EYA4: variants seen among roughly 807,000 people sequenced by gnomAD.
EYA4 encodes the protein EYA transcriptional coactivator and phosphatase 4.
EYA4 carries 31 observed loss-of-function variants against 87.9 expected under a neutral mutation model. The ratio of observed to expected loss-of-function variants is 0.35; its 90% CI spans 0.27 to 0.48. The LOEUF is 0.48. EYA4 is among the 20% of genes least tolerant of loss of function. The pLI is 0.99. For synonymous variants in EYA4, 263 were observed against 270.6 expected (o/e 0.97, Z 0.28); for missense variants, 678 against 761.4 (o/e 0.89, Z 1.29).
At chr6:133,339,824 C>G (rs376562766) in intron 2 of EYA4, among the ~76,000 whole-genome samples, 6 of 152,062 alleles carry the variant, frequency 3.9e-5, no homozygotes, top group African/African-American at 1.2e-4. Context: ...TATAGGTAGC[C>G]AAAGTGGATA....
At chr6:133,489,602 T>G (rs914472829) in intron 13 of EYA4, among the ~76,000 whole-genome samples, 2 of 152,062 alleles carry the variant, frequency 1.3e-5, no homozygotes, top group Non-Finnish European at 2.9e-5. Context: ...GGCATGACAT[T>G]TTTAAAGTGC....
intron 2 of EYA4, among the ~76,000 whole-genome samples, chr6:133,275,202 T>C (rs548629075): frequency 6.6e-6 from 1 of 152,316 alleles, no homozygotes; most frequent in South Asian, 2.1e-4. Flanking sequence ...TTGTTAGTCA[T>C]TTTAAGGAGG....
intron 6 of EYA4, 22 bp downstream of exon 6, chr6:133,456,670 T>G: frequency 6.8e-7 from 1 of 1,475,570 alleles, no homozygotes; most frequent in Non-Finnish European, 9.5e-7. Flanking sequence ...AGCTCGTGTG[T>G]CCTTACGTAC....
chr6:133,432,014 G>A (rs1047437702), intron 3 of EYA4, among the ~76,000 whole-genome samples: 7 of 114,008 alleles, frequency 6.1e-5, no homozygotes, highest in African/African-American at 2.0e-4. Flanking sequence ...TTCCACCCCC[G>A]CCCCCAGCAT....
intron 2 of EYA4, among the ~76,000 whole-genome samples, chr6:133,282,851 G>A (rs1777740184): frequency 6.6e-6 from 1 of 152,166 alleles, no homozygotes; most frequent in Admixed American, 6.5e-5. Flanking sequence ...GCTAATTCTG[G>A]TCTGGTGAGT....
Position 133,273,142 on chromosome 6 carries a change from T to C in EYA4, c.-65-1574T>C, listed in dbSNP as rs1193224879. On this transcript the variant is annotated intron_variant, in intron 1 of 19. Coordinates refer to ENST00000355286, the MANE Select transcript of EYA4 (RefSeq NM_004100.5). ...AAAGGGAAGTTTATTAAATATTAAC[T>C]CACATGTTCACAAGGTTTCACAATA... Among the ~76,000 whole-genome samples, 3 of 129,286 alleles carry C rather than the reference T, an allele frequency of 2.3e-5. No homozygotes were observed. In the East Asian group the frequency reaches 8.2e-4, roughly 35 times the overall value. The allele number at this position is 129,286 out of a possible 152,430, so 84.8% of individuals were successfully genotyped here. A position where few individuals can be genotyped will look rare whatever the true frequency, so the allele number is the denominator to read the frequency against.
chr6:133,257,109 A>G (rs768826981), intron 1 of EYA4, among the ~76,000 whole-genome samples: 5 of 152,136 alleles, frequency 3.3e-5, no homozygotes, highest in Non-Finnish European at 7.4e-5. Flanking sequence ...TAGAATAGCT[A>G]ATATTTTCCT....
chr6:133,373,226 T>G (rs190758732), intron 2 of EYA4, among the ~76,000 whole-genome samples: 1 of 152,124 alleles, frequency 6.6e-6, no homozygotes, highest in Admixed American at 6.6e-5. Flanking sequence ...TGAGCTGCAT[T>G]TGTTAAGTGG....
chr6:133,493,404 G>A (rs185229617), intron 13 of EYA4, among the ~76,000 whole-genome samples: 5 of 152,254 alleles, frequency 3.3e-5, no homozygotes, highest in South Asian at 2.1e-4. Flanking sequence ...GAAGAAGAAC[G>A]AAACTAGACC....
Position 133,428,911 on chromosome 6 carries a change from C to CTTTTTTTTTTTTTTTTTTTTTTTTTTTT in EYA4, c.84-17715_84-17688dup, listed in dbSNP as rs58727159. On this transcript the variant is annotated intron_variant, in intron 3 of 19. Coordinates refer to ENST00000355286, the MANE Select transcript of EYA4 (RefSeq NM_004100.5). Reference sequence around the variant, plus strand: ...CTGGGGCTGAGGGTAGATTTAGCTTCTTTTTTTTTTTTTTTTTTTTTTTTT... The same window carrying CTTTTTTTTTTTTTTTTTTTTTTTTTTTT: ...CTGGGGCTGAGGGTAGATTTAGCTTCTTTTTTTTTTTTTTTTTTTTTTTTTTTTTTTTTTTTTTTTTTTTTTTTTTTTT... Among the ~76,000 whole-genome samples the CTTTTTTTTTTTTTTTTTTTTTTTTTTTT allele has an allele frequency of 2.5e-4, 12 of 48,230 alleles. 4 individuals carry two copies. The highest frequency in any genetic ancestry group is 3.6e-4 in the Non-Finnish European group (10 of 27,862). The allele number at this position is 48,230 out of a possible 152,430, so 31.6% of individuals were successfully genotyped here.
chr6:133,460,926 A>G (rs909210833), intron 6 of EYA4, among the ~76,000 whole-genome samples, 188 bp from the exon 7 acceptor site: 4 of 152,186 alleles, frequency 2.6e-5, no homozygotes, highest in African/African-American at 4.8e-5. Context: ...TGTTTATTTC[A>G]TGCTTTTTGC....
In EYA4 at chr6:133,531,841, G is replaced by A. The variant is rs1056978292; in HGVS notation, c.*3036G>A. 6.6e-6 allele frequency: 1 copy of A among 152,106 alleles called. No homozygotes were observed. Among genetic ancestry groups the A allele is most frequent in the Non-Finnish European group, 1.5e-5 (1 of 68,006 alleles). The allele number at this position is 152,106 out of a possible 1,614,324, so 9.4% of individuals were successfully genotyped here. ...AAGTTGTTTTTTTTAAAGCACATTT[G>A]TTTATGACAAGCCTACATTCTCAGT... On this transcript the variant is annotated 3_prime_UTR_variant, in exon 20 of 20. Transcript: ENST00000355286.
chr6:133,368,037 T>G (rs1373519138), intron 2 of EYA4, among the ~76,000 whole-genome samples: 3 of 152,192 alleles, frequency 2.0e-5, no homozygotes, highest in Non-Finnish European at 4.4e-5. Context: ...CATCTCTGTT[T>G]ATAAAATGTT....
chr6:133,299,925 CTCTATCTATCTATCTATCTATCTATCTA>C (rs10588311), intron 2 of EYA4, among the ~76,000 whole-genome samples: 1 of 142,648 alleles, frequency 7.0e-6, no homozygotes, highest in African/African-American at 2.7e-5. Flanking sequence ...ATATAAAGAT[CTCTATCTATCTATCTATCTATCTATCTA>C]TCTATATATA....
At chr6:133,379,687 T>A (rs1786008651) in intron 2 of EYA4, among the ~76,000 whole-genome samples, 2 of 152,116 alleles carry the variant, frequency 1.3e-5, no homozygotes, top group African/African-American at 4.8e-5. Flanking sequence ...CTTCACCACC[T>A]CTCACTGACA....
intron 3 of EYA4, among the ~76,000 whole-genome samples, chr6:133,428,911 C>CTTTTTCTTTTTTTTTTTT (rs1790921758): frequency 1.0e-4 from 5 of 48,230 alleles, no homozygotes; most frequent in Non-Finnish European, 1.8e-4. Context: ...GATTTAGCTT[C>CTTTTTCTTTTTTTTTTTT]TTTTTTTTTT....
At chr6:133,266,558 T>C (rs999845198) in intron 1 of EYA4, among the ~76,000 whole-genome samples, 7 of 152,194 alleles carry the variant, frequency 4.6e-5, no homozygotes, top group East Asian at 1.9e-4. Context: ...GTAGTTCTAA[T>C]TGGTATAAAT....
intron 3 of EYA4, among the ~76,000 whole-genome samples, chr6:133,426,129 C>G (rs1790655599): frequency 7.0e-6 from 1 of 143,816 alleles, no homozygotes; most frequent in African/African-American, 2.9e-5. Flanking sequence ...ACAGAAAACT[C>G]AGTAAAGTTA....
At chr6:133,353,496 G>A (rs9389071) in intron 2 of EYA4, among the ~76,000 whole-genome samples, 26,877 of 152,024 alleles carry the variant, frequency 0.18, 2,546 homozygotes, top group East Asian at 0.35. Flanking sequence ...CACATAAAAA[G>A]TAACTCTATA....
Sources: allele counts gnomAD v4.1 joint callset (sites outside exome capture counted in the v4.1 genomes callset), GRCh38; gene constraint gnomAD v4.1.1; transcripts MANE v1.5; gene names NCBI Gene and HGNC (gene_info 2026-07-23, HGNC 2026-07-21).